The following OTOGL variants were observed in gnomAD, a reference collection of about 807,000 sequenced individuals.
The protein encoded by OTOGL is otogelin-like protein.
OTOGL carries 285 observed loss-of-function variants against 318.5 expected under a neutral mutation model. That is an observed-to-expected ratio of 0.89 (90% confidence interval 0.81 to 0.99). OTOGL has a LOEUF of 0.99. OTOGL is among the 50% of genes least tolerant of loss of function. The pLI, the probability that OTOGL is intolerant of heterozygous loss-of-function variation, is 0.00. For missense variants in OTOGL, 2,899 were observed against 2,845.6 expected (o/e 1.02, Z -0.43); for synonymous variants, 987 against 936.5 (o/e 1.05, Z -0.99).
At chr12:80,261,866 C>T (rs971881580) in intron 18 of OTOGL, 103 bp from the exon 19 acceptor site, 4 of 1,335,562 alleles carry the variant, frequency 3.0e-6, no homozygotes, top group Non-Finnish European at 4.0e-6. Flanking sequence ...TGTAAGATTT[C>T]CTTGTACATT....
intron 19 of OTOGL, among the ~76,000 whole-genome samples, chr12:80,263,708 A>C (rs1008873762): frequency 6.6e-6 from 1 of 152,048 alleles, no homozygotes; most frequent in South Asian, 2.1e-4. Context: ...AAAAAATTCA[A>C]ATAGGTAAAT....
At position 80,233,266 on chromosome 12, in the gene OTOGL, A is replaced by G. The variant is rs73358914; in HGVS notation, c.817+169A>G. ...TTGAATAGGAAAATATTTTGGTGTA[A>G]TTCTTGAAAACCATGAACTAGTTTA... On this transcript the variant is annotated intron_variant, in intron 9 of 58. Transcript: ENST00000547103. Among the ~76,000 whole-genome samples the G allele has an allele frequency of 5.5e-3, 837 of 152,284 alleles. 10 individuals are homozygous for G. The highest frequency in any genetic ancestry group is 0.018 in the African/African-American group (767 of 41,550).
intron 1 of OTOGL, among the ~76,000 whole-genome samples, chr12:80,135,944 A>C (rs1871540999): frequency 6.6e-6 from 1 of 152,190 alleles, no homozygotes; most frequent in Non-Finnish European, 1.5e-5. Context: ...TCTATAGCAG[A>C]CTGCTGGTCT....
At chr12:80,355,677 G>T (rs1052061787) in intron 46 of OTOGL, 59 bp from the exon 47 acceptor site, 20 of 1,397,326 alleles carry the variant, frequency 1.4e-5, no homozygotes, top group Non-Finnish European at 2.0e-5. Context: ...AAAACATGGT[G>T]GCATGATTTA....
At chr12:80,206,095 G>T (rs1876788197) in intron 1 of OTOGL, among the ~76,000 whole-genome samples, 1 of 152,166 alleles carries the variant, frequency 6.6e-6, no homozygotes, top group Admixed American at 6.5e-5. Context: ...TTCACAAGCT[G>T]GTGGCTGGCT....
At chr12:80,344,880 T>G (rs1889060574) in intron 44 of OTOGL, among the ~76,000 whole-genome samples, 1 of 150,722 alleles carries the variant, frequency 6.6e-6, no homozygotes. Flanking sequence ...TTTTTATAAT[T>G]TTTTTAAGTG....
At chr12:80,288,311 C>G (rs1257963121) in intron 26 of OTOGL, among the ~76,000 whole-genome samples, 3 of 152,170 alleles carry the variant, frequency 2.0e-5, no homozygotes, top group Non-Finnish European at 4.4e-5. Context: ...CCTGACCTTT[C>G]TCTCTGGCTG....
chr12:80,114,899 A>G (rs1870068528), intron 1 of OTOGL, among the ~76,000 whole-genome samples: 1 of 151,090 alleles, frequency 6.6e-6, no homozygotes, highest in South Asian at 2.1e-4. Context: ...CTTCTGCTTG[A>G]TCAATTCAGC....
intron 52 of OTOGL, among the ~76,000 whole-genome samples, chr12:80,363,589 G>T (rs186714242): frequency 6.6e-6 from 1 of 152,066 alleles, no homozygotes; most frequent in African/African-American, 2.4e-5. Flanking sequence ...AAACTTGAAG[G>T]TTTCAAGTCT....
rs779681339 is a variant in OTOGL at position 80,271,660 on chromosome 12, C to G, written c.2531C>G (p.Pro844Arg). Residue 844 changes from proline (P) to arginine (R), a missense_variant, in exon 24 of 59, where the codon CCA becomes CGA. By Grantham distance (103) the Pro-to-Arg change is moderately radical. Around this residue, in one of 3 missense-constraint regions of OTOGL, gnomAD observed 2,607 missense variants for 2,524.9 expected, o/e 1.03. Transcript: ENST00000547103. ...LATPSAVHICPEGKEYFDCRF... is the reference protein window; with the variant it reads ...LATPSAVHICREGKEYFDCRF... ...CTTATATCTGAAGTTCACATCTGCC[C>G]AGAGGGAAAAGAGTATTTCGACTGC... 6.2e-7 allele frequency: 1 copy of G among 1,612,544 alleles called. No homozygotes were observed. The highest frequency in any genetic ancestry group is 1.1e-5 in the South Asian group (1 of 91,018).
chr12:80,193,374 G>T (rs187194649), intron 1 of OTOGL, among the ~76,000 whole-genome samples: 1 of 152,000 alleles, frequency 6.6e-6, no homozygotes, highest in Non-Finnish European at 1.5e-5. Flanking sequence ...AAGTTAGCTG[G>T]GCATGGTGGT....
chr12:80,154,173 G>T (rs569132303), intron 1 of OTOGL, among the ~76,000 whole-genome samples: 25 of 152,218 alleles, frequency 1.6e-4, no homozygotes, highest in Non-Finnish European at 3.2e-4. Flanking sequence ...GCCAGGCATG[G>T]TGGCTCACGC....
At chr12:80,181,277 G>A (rs1380261433) in intron 1 of OTOGL, among the ~76,000 whole-genome samples, 1 of 151,590 alleles carries the variant, frequency 6.6e-6, no homozygotes, top group Non-Finnish European at 1.5e-5. Flanking sequence ...CTGTGTTTCA[G>A]TTTTTTGTTT....
chr12:80,269,978 G>A, intron 22 of OTOGL, 124 bp from the exon 23 acceptor site: 1 of 809,118 alleles, frequency 1.2e-6, no homozygotes, highest in Non-Finnish European at 1.9e-6. Context: ...AACTTCTGTG[G>A]GAAAAATAAC....
rs750246111 is a variant in OTOGL at position 80,378,005 on chromosome 12, A to G, written c.7019A>G (p.Tyr2340Cys). The G allele has an allele frequency of 8.1e-6, 13 of 1,595,364 alleles. No homozygotes were observed. The highest frequency in any genetic ancestry group is 1.1e-5 in the Non-Finnish European group (13 of 1,169,292). The change falls in exon 59 of 59, where the codon TAC becomes TGC. Residue 2340 changes from tyrosine (Y) to cysteine (C), a missense_variant. Tyr to Cys is a radical substitution (Grantham distance 194). This residue lies in a region of OTOGL where 289 missense variants were observed against 304.6 expected (regional missense o/e 0.95). Transcript: ENST00000547103. ...YCSGNGTEIM[Y>C]TLQEPIDCTC... ...TCAGGAAATGGCACTGAAATTATGT[A>G]CACTCTCCAGGAACCCATAGACTGT...
chr12:80,306,410 C>G (rs556511477), intron 29 of OTOGL, among the ~76,000 whole-genome samples: 1 of 152,250 alleles, frequency 6.6e-6, no homozygotes, highest in East Asian at 1.9e-4. Flanking sequence ...CTATTCTTTC[C>G]TCTACTTTCT....
At chr12:80,106,270 G>A (rs1869449500) in intron 1 of OTOGL, among the ~76,000 whole-genome samples, 1 of 152,152 alleles carries the variant, frequency 6.6e-6, no homozygotes, top group Non-Finnish European at 1.5e-5. Flanking sequence ...CTTCATTTGG[G>A]AGAGGGTGGC....
At chr12:80,306,993 G>C (rs1272795535) in intron 29 of OTOGL, among the ~76,000 whole-genome samples, 5 of 147,934 alleles carry the variant, frequency 3.4e-5, no homozygotes, top group Non-Finnish European at 5.9e-5. Context: ...CTTGAGATTA[G>C]GGAGTGGTGA....
At chr12:80,243,347 G>A (rs1445695384) in intron 11 of OTOGL, among the ~76,000 whole-genome samples, 1 of 152,026 alleles carries the variant, frequency 6.6e-6, no homozygotes, top group Non-Finnish European at 1.5e-5. Context: ...TTATGGGGAT[G>A]AAAGGAAAAT....
Sources: gnomAD v4.1 joint callset for allele counts (sites outside exome capture counted in the v4.1 genomes callset) on GRCh38, gnomAD v4.1.1 for gene constraint, gnomAD v4.1.1 regional missense constraint, MANE v1.5 for transcripts, NCBI Gene and HGNC (gene_info 2026-07-23, HGNC 2026-07-21) for gene names.